RPH3A: variants seen among roughly 807,000 people sequenced by gnomAD.
RPH3A encodes the protein rabphilin 3A.
In RPH3A, 48 loss-of-function variants were observed where a neutral mutation model predicts 102.2. The observed-to-expected ratio is 0.47, with a 90% CI of 0.37 to 0.60. RPH3A has a LOEUF of 0.60. Among genes scored for constraint, RPH3A ranks in the 20% least tolerant of loss-of-function variants. The pLI, the probability that RPH3A is intolerant of heterozygous loss-of-function variation, is 0.00. For missense variants in RPH3A, 781 were observed against 910.1 expected (o/e 0.86, Z 1.83); for synonymous variants, 310 against 324.3 (o/e 0.96, Z 0.47).
intron 3 of RPH3A, among the ~76,000 whole-genome samples, chr12:112,834,712 A>G (rs2042021058): frequency 6.6e-6 from 1 of 152,184 alleles, no homozygotes; most frequent in Non-Finnish European, 1.5e-5. Context: ...TAGACATACT[A>G]ATATAAAATT....
intron 16 of RPH3A, among the ~76,000 whole-genome samples, chr12:112,885,794 T>C (rs1325173786): frequency 1.3e-5 from 2 of 152,208 alleles, no homozygotes; most frequent in Admixed American, 1.3e-4. Context: ...TTTTTAAATG[T>C]ACAATTAAAT....
At chr12:112,728,035 C>T (rs1207945212) in intron 1 of RPH3A, among the ~76,000 whole-genome samples, 1 of 152,196 alleles carries the variant, frequency 6.6e-6, no homozygotes, top group Non-Finnish European at 1.5e-5. Context: ...TCCAGAAAGG[C>T]ACCAGTTTTC....
intron 1 of RPH3A, among the ~76,000 whole-genome samples, chr12:112,728,644 A>G (rs908753239): frequency 2.0e-5 from 3 of 152,188 alleles, no homozygotes; most frequent in African/African-American, 7.2e-5. Context: ...GCAGAGTGTT[A>G]CTGACAAAGC....
intron 2 of RPH3A, among the ~76,000 whole-genome samples, chr12:112,818,724 A>C (rs562559048): frequency 6.6e-6 from 1 of 152,262 alleles, no homozygotes; most frequent in Admixed American, 6.5e-5. Context: ...ACACAGATTG[A>C]TACTGAGAGA....
In RPH3A at chr12:112,890,012, T is replaced by C. The variant is rs1404709803; in HGVS notation, c.1564-12T>C. The stretch of plus-strand genomic sequence containing the variant: ...AGACAATGTTATCTTTTATTTGTTT[T>C]CTTCTTTTAAGATGAAACGTGCTGG... On this transcript the variant is annotated splice_polypyrimidine_tract_variant and intron_variant, in intron 17 of 21. Coordinates refer to ENST00000389385, the MANE Select transcript of RPH3A (RefSeq NM_001143854.2). 6.2e-7 allele frequency: 1 copy of C among 1,613,144 alleles called. No homozygotes were observed. Among genetic ancestry groups the C allele is most frequent in the South Asian group, 1.1e-5 (1 of 91,072 alleles).
chr12:112,724,460 A>T (rs2040573295), intron 1 of RPH3A, among the ~76,000 whole-genome samples: 1 of 152,232 alleles, frequency 6.6e-6, no homozygotes, highest in Non-Finnish European at 1.5e-5. Context: ...ATTGAAAAAA[A>T]GTCATGCATA....
At chr12:112,606,495 C>T (rs943042581) in intron 1 of RPH3A, among the ~76,000 whole-genome samples, 4 of 152,056 alleles carry the variant, frequency 2.6e-5, no homozygotes, top group African/African-American at 4.8e-5. Flanking sequence ...AATTCTTGTG[C>T]CTCAACCTCC....
At chr12:112,741,931 G>A (rs2040712030) in intron 1 of RPH3A, among the ~76,000 whole-genome samples, 1 of 152,154 alleles carries the variant, frequency 6.6e-6, no homozygotes, top group South Asian at 2.1e-4. Flanking sequence ...CAACTTGGAT[G>A]TGATTTTGCA....
chr12:112,653,106 A>C (rs1248601826), intron 1 of RPH3A, among the ~76,000 whole-genome samples: 1 of 152,088 alleles, frequency 6.6e-6, no homozygotes, highest in Non-Finnish European at 1.5e-5. Context: ...AAAGATAAAT[A>C]CAGGCCGAGG....
chr12:112,655,247 T>C (rs2040002774), intron 1 of RPH3A, among the ~76,000 whole-genome samples: 1 of 152,254 alleles, frequency 6.6e-6, no homozygotes, highest in Admixed American at 6.5e-5. Context: ...AGATTTGCTC[T>C]GGCAAGTAAT....
At chr12:112,606,384 G>A (rs972856544) in intron 1 of RPH3A, among the ~76,000 whole-genome samples, 1 of 151,976 alleles carries the variant, frequency 6.6e-6, no homozygotes, top group African/African-American at 2.4e-5. Context: ...GTTTTTGTTT[G>A]TTTGTTTGTT....
At chr12:112,751,201 G>C (rs928241747) in intron 1 of RPH3A, among the ~76,000 whole-genome samples, 1 of 152,206 alleles carries the variant, frequency 6.6e-6, no homozygotes, top group Admixed American at 6.5e-5. Context: ...CACATGCTCA[G>C]CTTGGGCGAG....
rs951889195 is a variant in RPH3A, at chr12:112,832,883, T to C, written c.72-3608T>C. ...AAGTTATATTTATAGTTAAATGATATTACACACAATGGTGATAAATACTCA... is the reference window on the plus strand; with the variant it reads ...AAGTTATATTTATAGTTAAATGATACTACACACAATGGTGATAAATACTCA... On this transcript the variant is annotated intron_variant, in intron 3 of 21. Coordinates refer to ENST00000389385, the MANE Select transcript of RPH3A (RefSeq NM_001143854.2). 2.0e-5 allele frequency among the ~76,000 whole-genome samples: 3 copies of C among 152,074 alleles called. No individual in the cohort carries two copies. The South Asian group carries it at 6.2e-4, about 31-fold the overall frequency.
At chr12:112,669,340 A>G (rs2040111369) in intron 1 of RPH3A, among the ~76,000 whole-genome samples, 1 of 152,228 alleles carries the variant, frequency 6.6e-6, no homozygotes, top group Non-Finnish European at 1.5e-5. Context: ...TATACTCCAT[A>G]AATATATACA....
rs1233280229 is a variant in RPH3A, at chr12:112,698,773, T to C, written c.-139-93370T>C. Among the ~76,000 whole-genome samples, 5 of 152,188 alleles carry C rather than the reference T, an allele frequency of 3.3e-5. No homozygotes were observed. The East Asian group carries it at 9.6e-4, about 29-fold the overall frequency. On this transcript the variant is annotated intron_variant, in intron 1 of 21. Transcript: ENST00000543106. ...TCTCATACGTTACTGTTGGGAATGG[T>C]GTAGCCACTGCAGAAAACGGTAGGA...
chr12:112,836,437 T>C (rs1386318864), intron 3 of RPH3A, 54 bp from the exon 4 acceptor site: 2 of 1,125,750 alleles, frequency 1.8e-6, no homozygotes, highest in African/African-American at 1.6e-5. Context: ...TGTTATGATT[T>C]CTTACCTAAC....
At chr12:112,788,558 G>A (rs546349211), upstream of RPH3A, among the ~76,000 whole-genome samples, 50 of 152,296 alleles carry the variant, frequency 3.3e-4, no homozygotes, top group African/African-American at 1.2e-3. Flanking sequence ...TGCAAATGGG[G>A]CAGTAATAGC....
intron 1 of RPH3A, among the ~76,000 whole-genome samples, chr12:112,775,244 GA>G (rs1339816181): frequency 6.6e-6 from 1 of 152,096 alleles, no homozygotes; most frequent in Non-Finnish European, 1.5e-5. Context: ...AAAAAGTTTG[GA>G]AAAAACCACA....
chr12:112,872,279 G>C (rs1038190225), intron 10 of RPH3A, among the ~76,000 whole-genome samples: 1 of 152,070 alleles, frequency 6.6e-6, no homozygotes, highest in African/African-American at 2.4e-5. Context: ...TTGTGGTTTT[G>C]ACTTGCATTT....
Sources: allele counts gnomAD v4.1 joint callset (sites outside exome capture counted in the v4.1 genomes callset), GRCh38; gene constraint gnomAD v4.1.1; transcripts MANE v1.5; gene names NCBI Gene and HGNC (gene_info 2026-07-23, HGNC 2026-07-21).